The following PTPRD variants were observed in gnomAD, a reference collection of about 807,000 sequenced individuals.
The protein encoded by PTPRD is receptor-type tyrosine-protein phosphatase delta.
In PTPRD, 34 loss-of-function variants were observed where a neutral mutation model predicts 214.5. That is an observed-to-expected ratio of 0.16 (90% CI 0.12 to 0.21). The LOEUF is 0.21. Among genes scored for constraint, PTPRD ranks in the 10% least tolerant of loss-of-function variants. The probability of loss-of-function intolerance (pLI) is 1.00; values close to 1 mark genes in which losing one functional copy is unlikely to be tolerated. For synonymous variants in PTPRD, 1,128 were observed against 845.7 expected (o/e 1.33, Z -5.79); for missense variants, 2,545 against 2,398.7 (o/e 1.06, Z -1.27).
chr9:8,484,618 A>ATATATATCTATATATATG (rs1491139147), intron 29 of PTPRD, among the ~76,000 whole-genome samples: 2 of 150,164 alleles, frequency 1.3e-5, no homozygotes, highest in South Asian at 4.2e-4. Flanking sequence ...AGATATATAC[A>ATATATATCTATATATATG]TATATATATA....
At chr9:10,405,752 A>G (rs953642515) in intron 2 of PTPRD, among the ~76,000 whole-genome samples, 1 of 151,610 alleles carries the variant, frequency 6.6e-6, no homozygotes, top group Non-Finnish European at 1.5e-5. Context: ...ACTAGTAAAT[A>G]TTAACTAACT....
intron 14 of PTPRD, among the ~76,000 whole-genome samples, chr9:8,632,123 GTGTGTGTGTGTGTGTGTGTGTGTGTC>G (rs1049163445): frequency 2.9e-5 from 4 of 140,188 alleles, no homozygotes; most frequent in Non-Finnish European, 6.2e-5. Flanking sequence ...TTGCTTCTTT[GTGTGTGTGTGTGTGTGTGTGTGTGTC>G]TGTGTGTGTG....
chr9:10,553,351 T>A (rs1324108949), intron 2 of PTPRD, among the ~76,000 whole-genome samples: 2 of 152,046 alleles, frequency 1.3e-5, no homozygotes, highest in South Asian at 2.1e-4. Context: ...TCTTTATTTT[T>A]TTTTTTTTTA....
At position 9,539,944 on chromosome 9, in the gene PTPRD, G is replaced by A. The variant is rs534394953; in HGVS notation, c.-237+34788C>T. ...ATTTCCATTAGTAATATTCCTTAAT[G>A]GGGGAATAGAAATTACCCTACACGG... On this transcript the variant is annotated intron_variant, in intron 8 of 45. Transcript: ENST00000381196. Among the ~76,000 whole-genome samples the A allele has an allele frequency of 2.2e-3, 336 of 151,794 alleles. 4 individuals are homozygous for A. The highest frequency in any genetic ancestry group is 6.7e-3 in the African/African-American group (278 of 41,438).
chr9:10,406,325 C>G (rs747501480), intron 2 of PTPRD, among the ~76,000 whole-genome samples: 6 of 151,360 alleles, frequency 4.0e-5, no homozygotes, highest in Non-Finnish European at 7.4e-5. Flanking sequence ...AATTATAAAA[C>G]TAATATCACA....
chr9:8,515,189 G>A (rs554234265), intron 21 of PTPRD, among the ~76,000 whole-genome samples: 4 of 152,264 alleles, frequency 2.6e-5, no homozygotes, highest in South Asian at 2.1e-4. Context: ...GTAACCTTAC[G>A]ACCTACGGCA....
intron 7 of PTPRD, among the ~76,000 whole-genome samples, chr9:9,605,631 T>G (rs1186167961): frequency 6.6e-6 from 1 of 152,084 alleles, no homozygotes; most frequent in Non-Finnish European, 1.5e-5. Flanking sequence ...AAAATTTGTG[T>G]TTTAGGTCAT....
intron 2 of PTPRD, among the ~76,000 whole-genome samples, chr9:10,446,340 G>C (rs1377788215): frequency 6.6e-6 from 1 of 150,724 alleles, no homozygotes; most frequent in Non-Finnish European, 1.5e-5. Context: ...ATTCAAAGGA[G>C]TTAGGAAGAG....
At chr9:9,493,255 G>C (rs2096002951) in intron 8 of PTPRD, among the ~76,000 whole-genome samples, 1 of 152,058 alleles carries the variant, frequency 6.6e-6, no homozygotes, top group South Asian at 2.1e-4. Context: ...AAGCCTGTAT[G>C]ACAACACATT....
intron 7 of PTPRD, among the ~76,000 whole-genome samples, chr9:9,631,508 A>G (rs1227442782): frequency 6.6e-6 from 1 of 152,176 alleles, no homozygotes; most frequent in Non-Finnish European, 1.5e-5. Context: ...CTTTATTCAA[A>G]GTATAGGGCC....
chr9:9,325,072 C>G (rs1025572854), intron 9 of PTPRD, among the ~76,000 whole-genome samples: 5 of 152,138 alleles, frequency 3.3e-5, no homozygotes, highest in Non-Finnish European at 5.9e-5. Context: ...GGTACAAGTA[C>G]CACGCTGTTT....
chr9:9,055,887 G>T (rs1296299169), intron 10 of PTPRD, among the ~76,000 whole-genome samples: 1 of 151,234 alleles, frequency 6.6e-6, no homozygotes, highest in African/African-American at 2.4e-5. Context: ...TATGTGCTAT[G>T]AACACTAGTC....
intron 3 of PTPRD, among the ~76,000 whole-genome samples, chr9:10,250,057 C>T (rs1406028573): frequency 6.6e-6 from 1 of 152,108 alleles, no homozygotes; most frequent in African/African-American, 2.4e-5. Flanking sequence ...GGGACCTCAG[C>T]TTTCATTCTA....
At chr9:10,022,422 T>C (rs2096841230) in intron 4 of PTPRD, among the ~76,000 whole-genome samples, 1 of 150,318 alleles carries the variant, frequency 6.7e-6, no homozygotes, top group Non-Finnish European at 1.5e-5. Context: ...GAATAAATGT[T>C]TGTTGAATGA....
intron 12 of PTPRD, among the ~76,000 whole-genome samples, chr9:8,648,066 A>G (rs540354584): frequency 1.3e-5 from 2 of 152,292 alleles, no homozygotes; most frequent in East Asian, 1.9e-4. Flanking sequence ...TTCACAACAC[A>G]AGCACACGCA....
chr9:10,133,877 G>A (rs913670102), intron 3 of PTPRD, among the ~76,000 whole-genome samples: 4 of 152,090 alleles, frequency 2.6e-5, no homozygotes, highest in African/African-American at 4.8e-5. Flanking sequence ...TTTGTTGTTG[G>A]TAAAATGTGG....
At chr9:8,476,033 T>G (rs2096757466) in intron 30 of PTPRD, among the ~76,000 whole-genome samples, 1 of 152,224 alleles carries the variant, frequency 6.6e-6, no homozygotes, top group African/African-American at 2.4e-5. Context: ...CAGCAGGATC[T>G]TGCCTGAATC....
chr9:9,306,170 G>A (rs1441425680), intron 9 of PTPRD, among the ~76,000 whole-genome samples: 1 of 152,052 alleles, frequency 6.6e-6, no homozygotes, highest in Admixed American at 6.6e-5. Context: ...GTAAAAACAT[G>A]TTTGACATTA....
intron 11 of PTPRD, among the ~76,000 whole-genome samples, chr9:8,899,099 G>C (rs2098643944): frequency 6.6e-6 from 1 of 152,040 alleles, no homozygotes; most frequent in Non-Finnish European, 1.5e-5. Flanking sequence ...CTCTTAAAGA[G>C]AGCTGCAGAG....
Sources: allele counts gnomAD v4.1 joint callset (sites outside exome capture counted in the v4.1 genomes callset), GRCh38; gene constraint gnomAD v4.1.1; transcripts MANE v1.5; gene names NCBI Gene and HGNC (gene_info 2026-07-23, HGNC 2026-07-21).